OR6C74: variants seen among roughly 807,000 people sequenced by gnomAD.
OR6C74 encodes olfactory receptor 6C74.
For synonymous variants in OR6C74, 142 were observed against 134.2 expected (o/e 1.06, Z -0.40); for missense variants, 361 against 362.9 (o/e 0.99, Z 0.04).
rs1239885304 is a variant in OR6C74, at chr12:55,255,212, C to T, written c.*6986C>T. On this transcript the variant is annotated 3_prime_UTR_variant, in exon 2 of 2. Transcript: ENST00000343399. The stretch of plus-strand genomic sequence containing the variant: ...CAGGATTTCACAGTTGTGTTACAGA[C>T]TGATTGTGTCTGCTCTACCCATGGA... Among the ~76,000 whole-genome samples the T allele has an allele frequency of 6.6e-6, 1 of 152,060 alleles. No individual in the cohort carries two copies. The highest frequency in any genetic ancestry group is 1.5e-5 in the Non-Finnish European group (1 of 67,984).
At position 55,247,314 on chromosome 12, in the gene OR6C74, C is replaced by A; in HGVS notation, c.27C>A (p.Asn9Lys). MRNHTTVA[N>K]FILLGLTDDP... ...TGAGAAACCATACAACAGTAGCAAA[C>A]TTTATTCTTCTTGGACTGACAGATG... Residue 9 changes from asparagine to lysine, a missense_variant, in exon 2 of 2, where the codon AAC becomes AAA. Physicochemically the swap from Asn to Lys is moderately conservative, Grantham distance 94. Transcript: ENST00000343399. 6.2e-7 allele frequency: 1 copy of A among 1,606,524 alleles called. No individual in the cohort carries two copies. The highest frequency in any genetic ancestry group is 8.5e-7 in the Non-Finnish European group (1 of 1,174,924).
Position 55,252,245 on chromosome 12 carries a change from T to C in OR6C74, c.*4019T>C, listed in dbSNP as rs561096486. ...ACTTTATTATACTTGCAAATACTTA[T>C]GTAATTATTGTGTGAAATGAACTGC... On this transcript the variant is annotated 3_prime_UTR_variant, in exon 2 of 2. Coordinates refer to ENST00000343399, the MANE Select transcript of OR6C74 (RefSeq NM_001005490.2). 6.6e-6 allele frequency among the ~76,000 whole-genome samples: 1 copy of C among 151,990 alleles called. No individual in the cohort carries two copies. Among genetic ancestry groups the C allele is most frequent in the African/African-American group, 2.4e-5 (1 of 41,560 alleles).
In OR6C74 at chr12:55,249,802, C is replaced by G. The variant is rs551918307; in HGVS notation, c.*1576C>G. ...TAAGTTCTAGGGTACATGTGCACAACGTGCAGGTTTGTTAACATATGTATA... is the reference window on the plus strand; with the variant it reads ...TAAGTTCTAGGGTACATGTGCACAAGGTGCAGGTTTGTTAACATATGTATA... On this transcript the variant is annotated 3_prime_UTR_variant, in exon 2 of 2. Transcript: ENST00000343399. Among the ~76,000 whole-genome samples, 1 of 147,168 alleles carries G rather than the reference C, an allele frequency of 6.8e-6. No individual in the cohort carries two copies. The highest frequency in any genetic ancestry group is 1.5e-5 in the Non-Finnish European group (1 of 67,908).
rs536102764 is a variant in OR6C74, at chr12:55,255,751, G to C, written c.*7525G>C. 1.3e-5 allele frequency among the ~76,000 whole-genome samples: 2 copies of C among 152,242 alleles called. No individual in the cohort carries two copies. Among genetic ancestry groups the C allele is most frequent in the East Asian group, 3.9e-4 (2 of 5,174 alleles). On this transcript the variant is annotated 3_prime_UTR_variant, in exon 2 of 2. Coordinates refer to ENST00000343399, the MANE Select transcript of OR6C74 (RefSeq NM_001005490.2). ...CACTCATAAGTGGGAGTTGAACAATGACAGAGAAGAATTTTAAATGCATAT... is the reference window on the plus strand; with the variant it reads ...CACTCATAAGTGGGAGTTGAACAATCACAGAGAAGAATTTTAAATGCATAT...
In OR6C74 at chr12:55,252,540, G is replaced by A. The variant is rs190681569; in HGVS notation, c.*4314G>A. On this transcript the variant is annotated 3_prime_UTR_variant, in exon 2 of 2. Coordinates refer to ENST00000343399, the MANE Select transcript of OR6C74 (RefSeq NM_001005490.2). Reference sequence around the variant, plus strand: ...ATTATGTTTTCAAGTTTTCTAATGAGTAGATGAGTATTTTTATATTTAATG... The same window carrying A: ...ATTATGTTTTCAAGTTTTCTAATGAATAGATGAGTATTTTTATATTTAATG... Among the ~76,000 whole-genome samples, 128 of 151,874 alleles carry A rather than the reference G, an allele frequency of 8.4e-4. No homozygotes were observed. Among genetic ancestry groups the A allele is most frequent in the African/African-American group, 2.7e-3 (114 of 41,482 alleles).
chr12:55,251,388 C>T lies in OR6C74; in HGVS notation c.*3162C>T, dbSNP rs1396809513. ...CACATGTAATTAACTATATTTATTT[C>T]TTGCAACGAACTCTAAATCTCATAG... On this transcript the variant is annotated 3_prime_UTR_variant, in exon 2 of 2. Transcript: ENST00000343399. 6.6e-6 allele frequency among the ~76,000 whole-genome samples: 1 copy of T among 152,024 alleles called. No individual in the cohort carries two copies. The highest frequency in any genetic ancestry group is 2.4e-5 in the African/African-American group (1 of 41,424).
At chr12:55,245,124 A>G (rs971634902) in intron 1 of OR6C74, among the ~76,000 whole-genome samples, 1 of 152,146 alleles carries the variant, frequency 6.6e-6, no homozygotes, top group Non-Finnish European at 1.5e-5. Context: ...GCATGAAATT[A>G]TAACTAGTTT....
rs187644758 is a variant in OR6C74, at chr12:55,248,625, T to C, written c.*399T>C. ...AGGTTTGATCACTTAACGCGTGCAT[T>C]ATTGGTGGATACAAAAGTGAAATCT... On this transcript the variant is annotated 3_prime_UTR_variant, in exon 2 of 2. Coordinates refer to ENST00000343399, the MANE Select transcript of OR6C74 (RefSeq NM_001005490.2). Among the ~76,000 whole-genome samples, 28 of 152,336 alleles carry C rather than the reference T, an allele frequency of 1.8e-4. No individual in the cohort carries two copies. The highest frequency in any genetic ancestry group is 6.3e-4 in the African/African-American group (26 of 41,586).
chr12:55,251,566 A>G lies in OR6C74; in HGVS notation c.*3340A>G, dbSNP rs1257463871. Among the ~76,000 whole-genome samples, 1 of 151,982 alleles carries G rather than the reference A, an allele frequency of 6.6e-6. No individual in the cohort carries two copies. The highest frequency in any genetic ancestry group is 1.5e-5 in the Non-Finnish European group (1 of 67,924). On this transcript the variant is annotated 3_prime_UTR_variant, in exon 2 of 2. Transcript: ENST00000343399. ...TGATAGGGCTTAATATAAAAATGTAAGCCTAGATTAAGGATGTCTACTATA... is the reference window on the plus strand; with the variant it reads ...TGATAGGGCTTAATATAAAAATGTAGGCCTAGATTAAGGATGTCTACTATA...
intron 1 of OR6C74, among the ~76,000 whole-genome samples, chr12:55,246,006 T>C (rs1954268048): frequency 6.6e-6 from 1 of 152,170 alleles, no homozygotes; most frequent in South Asian, 2.1e-4. Context: ...CTTGTGTATG[T>C]GTTTCACTCC....
chr12:55,254,982 C>T lies in OR6C74; in HGVS notation c.*6756C>T, dbSNP rs938622927. ...TGCAATTCTCCATGGCATTTCTACA[C>T]ATTTAATATTATGCTTGGTCTGGAT... On this transcript the variant is annotated 3_prime_UTR_variant, in exon 2 of 2. Transcript: ENST00000343399. Among the ~76,000 whole-genome samples, 1 of 152,092 alleles carries T rather than the reference C, an allele frequency of 6.6e-6. No individual in the cohort carries two copies. The highest frequency in any genetic ancestry group is 1.5e-5 in the Non-Finnish European group (1 of 67,992).
rs1954291030 is a variant in OR6C74 at position 55,248,348 on chromosome 12, T to C, written c.*122T>C. On this transcript the variant is annotated 3_prime_UTR_variant, in exon 2 of 2. Transcript: ENST00000343399. ...CTCTTTTTTGACTTATAATTTTCATTATGGCCTTCCTAATCTCCAAAGCCT... is the reference window on the plus strand; with the variant it reads ...CTCTTTTTTGACTTATAATTTTCATCATGGCCTTCCTAATCTCCAAAGCCT... 4.7e-6 allele frequency: 3 copies of C among 633,574 alleles called. No homozygotes were observed. Among genetic ancestry groups the C allele is most frequent in the Non-Finnish European group, 8.0e-6 (3 of 373,930 alleles). The allele number at this position is 633,574 out of a possible 1,614,324, so 39.2% of individuals were successfully genotyped here. A position where few individuals can be genotyped will look rare whatever the true frequency, so the allele number is the denominator to read the frequency against.
chr12:55,247,331 T>C lies in OR6C74; in HGVS notation c.44T>C (p.Leu15Pro). ...GTAGCAAACTTTATTCTTCTTGGAC[T>C]GACAGATGATCCACAATTACAGGTG... ...TTVANFILLG[L>P]TDDPQLQVII... Residue 15 changes from leucine to proline, a missense_variant, in exon 2 of 2, where the codon CTG becomes CCG. Coordinates refer to ENST00000343399, the MANE Select transcript of OR6C74 (RefSeq NM_001005490.2). 6.2e-7 allele frequency: 1 copy of C among 1,611,850 alleles called. No homozygotes were observed. Among genetic ancestry groups the C allele is most frequent in the Non-Finnish European group, 8.5e-7 (1 of 1,178,110 alleles).
intron 1 of OR6C74, among the ~76,000 whole-genome samples, chr12:55,246,916 T>A (rs1954273339): frequency 6.6e-6 from 1 of 152,126 alleles, no homozygotes; most frequent in South Asian, 2.1e-4. Context: ...AAAGAGTGAA[T>A]CACCAGATGG....
Position 55,247,339 on chromosome 12 carries a change from G to A in OR6C74, c.52G>A (p.Asp18Asn), listed in dbSNP as rs375899630. The change falls in exon 2 of 2, where the codon GAT becomes AAT. Residue 18 changes from aspartate (D) to asparagine (N), a missense_variant. Physicochemically the swap from Asp to Asn is conservative, Grantham distance 23. Coordinates refer to ENST00000343399, the MANE Select transcript of OR6C74 (RefSeq NM_001005490.2). ...ANFILLGLTD[D>N]PQLQVIIFLL... ...CTTTATTCTTCTTGGACTGACAGAT[G>A]ATCCACAATTACAGGTGATTATTTT... The A allele has an allele frequency of 8.7e-6, 14 of 1,612,096 alleles. No homozygotes were observed. Among genetic ancestry groups the A allele is most frequent in the African/African-American group, 2.7e-5 (2 of 74,824 alleles).
At position 55,247,464 on chromosome 12, in the gene OR6C74, C is replaced by A; in HGVS notation, c.177C>A (p.Phe59Leu). ...LDLHLKTPMY[F>L]FLRNFSFLEV... is the part of the protein sequence containing the mutation. ...TGCATCTCAAGACACCCATGTATTT[C>A]TTCCTCCGAAATTTCTCATTTTTAG... The change falls in exon 2 of 2, where the codon TTC (phenylalanine) becomes TTA (leucine). Residue 59 changes from phenylalanine (F) to leucine (L), a missense_variant. By Grantham distance (22) the Phe-to-Leu change is conservative (BLOSUM62 0). Coordinates refer to ENST00000343399, the MANE Select transcript of OR6C74 (RefSeq NM_001005490.2). 1 of 1,613,826 alleles carries A rather than the reference C, an allele frequency of 6.2e-7. No individual in the cohort carries two copies. The highest frequency in any genetic ancestry group is 8.5e-7 in the Non-Finnish European group (1 of 1,179,872).
chr12:55,250,994 T>G lies in OR6C74; in HGVS notation c.*2768T>G, dbSNP rs769298418. 6.6e-6 allele frequency among the ~76,000 whole-genome samples: 1 copy of G among 152,070 alleles called. No homozygotes were observed. Among genetic ancestry groups the G allele is most frequent in the Non-Finnish European group, 1.5e-5 (1 of 67,974 alleles). On this transcript the variant is annotated 3_prime_UTR_variant, in exon 2 of 2. Coordinates refer to ENST00000343399, the MANE Select transcript of OR6C74 (RefSeq NM_001005490.2). ...ATTGCTAGTAGGATACTTTCTAAAA[T>G]ACAAATCAGTCATGCCACCACTCTA... is the stretch of plus-strand genomic sequence containing the variant.
At chr12:55,246,770 C>A (rs1954272607) in intron 1 of OR6C74, among the ~76,000 whole-genome samples, 1 of 152,044 alleles carries the variant, frequency 6.6e-6, no homozygotes, top group Non-Finnish European at 1.5e-5. Context: ...ATTGAATTCC[C>A]ACTGTGGAAG....
rs1954341885 is a variant in OR6C74, at chr12:55,256,019, T to TA, written c.*7797dup. On this transcript the variant is annotated 3_prime_UTR_variant, in exon 2 of 2. Transcript: ENST00000343399. The stretch of plus-strand genomic sequence containing the variant: ...ACCCCCTGAAACTATTGCTATGGAA[T>TA]AAAAGGTGAAATGCTCCTGATTATT... 6.6e-6 allele frequency among the ~76,000 whole-genome samples: 1 copy of TA among 152,078 alleles called. No individual in the cohort carries two copies. The highest frequency in any genetic ancestry group is 2.1e-4 in the South Asian group (1 of 4,828).
Sources: allele counts gnomAD v4.1 joint callset (sites outside exome capture counted in the v4.1 genomes callset), GRCh38; gene constraint gnomAD v4.1.1; transcripts MANE v1.5; gene names NCBI Gene and HGNC (gene_info 2026-07-23, HGNC 2026-07-21).